Variants in ECT2L observed in about 807,000 individuals in gnomAD.
ECT2L encodes epithelial cell-transforming sequence 2 oncogene-like.
ECT2L carries 126 observed loss-of-function variants against 122.8 expected under a neutral mutation model. That is an observed-to-expected ratio of 1.03 (90% CI 0.89 to 1.19). ECT2L has a LOEUF of 1.19. Among genes scored for constraint, ECT2L ranks in the 50% most tolerant of loss-of-function variants. The pLI is 0.00. For synonymous variants in ECT2L, 385 were observed against 381.8 expected (o/e 1.01, Z -0.10); for missense variants, 1,012 against 1,064.1 (o/e 0.95, Z 0.68).
At chr6:138,897,534 G>A (rs1323174572) in intron 20 of ECT2L, among the ~76,000 whole-genome samples, 2 of 152,066 alleles carry the variant, frequency 1.3e-5, no homozygotes, top group Non-Finnish European at 2.9e-5. Context: ...CTGCTTTTGC[G>A]TATTTAGTTT....
Position 138,887,393 on chromosome 6 carries a change from A to T in ECT2L, c.2325+471A>T, listed in dbSNP as rs189143555. Among the ~76,000 whole-genome samples, 576 of 151,238 alleles carry T rather than the reference A, an allele frequency of 3.8e-3. 4 individuals are homozygous for T. The highest frequency in any genetic ancestry group is 0.014 in the African/African-American group (559 of 41,174). On this transcript the variant is annotated intron_variant, in intron 19 of 21. Coordinates refer to ENST00000541398, the MANE Select transcript of ECT2L (RefSeq NM_001077706.3). ...AGGTGTCCACCACCACGCCCAGCTA[A>T]TTTTTTGTATTTTTAGTAGAGATGG...
chr6:138,851,122 A>C (rs1320597488), intron 9 of ECT2L, among the ~76,000 whole-genome samples: 1 of 151,728 alleles, frequency 6.6e-6, no homozygotes, highest in Non-Finnish European at 1.5e-5. Flanking sequence ...CGACATTTAC[A>C]ATCTCTACAC....
At chr6:138,867,073 CA>C (rs1350795526) in intron 12 of ECT2L, among the ~76,000 whole-genome samples, 1 of 146,074 alleles carries the variant, frequency 6.8e-6, no homozygotes, top group Non-Finnish European at 1.5e-5. Context: ...GACCCTGTCT[CA>C]AAAAAAACAA....
chr6:138,878,306 T>TACACACACAC (rs34393243), intron 14 of ECT2L, among the ~76,000 whole-genome samples: 22 of 150,218 alleles, frequency 1.5e-4, no homozygotes, highest in African/African-American at 4.9e-4. Context: ...CATATATATA[T>TACACACACAC]ACACACACAC....
chr6:138,895,984 T>C (rs888265755), intron 20 of ECT2L, among the ~76,000 whole-genome samples: 2 of 152,226 alleles, frequency 1.3e-5, no homozygotes, highest in African/African-American at 4.8e-5. Context: ...TTTGTTCCTC[T>C]GAGGACATGG....
chr6:138,863,336 T>C (rs1777905824), intron 11 of ECT2L, among the ~76,000 whole-genome samples: 1 of 152,196 alleles, frequency 6.6e-6, no homozygotes, highest in Non-Finnish European at 1.5e-5. Context: ...GCAGAAACTA[T>C]ATAAATCATT....
At chr6:138,872,752 C>T (rs1261215220) in intron 13 of ECT2L, among the ~76,000 whole-genome samples, 1 of 152,214 alleles carries the variant, frequency 6.6e-6, no homozygotes, top group African/African-American at 2.4e-5. Context: ...TCAACATCTG[C>T]TGATTCCTGA....
chr6:138,839,670 G>A lies in ECT2L; in HGVS notation c.342+1156G>A, dbSNP rs184410444. On this transcript the variant is annotated intron_variant, in intron 5 of 21. Transcript: ENST00000541398. ...TGAGCCACTGTGCCTGGCCTAGTCTGTTTATATTTCTGTAAACACTGATAT... is the reference window on the plus strand; with the variant it reads ...TGAGCCACTGTGCCTGGCCTAGTCTATTTATATTTCTGTAAACACTGATAT... Among the ~76,000 whole-genome samples the A allele has an allele frequency of 5.0e-3, 764 of 152,170 alleles. 4 individuals are homozygous for A. The highest frequency in any genetic ancestry group is 8.3e-3 in the Non-Finnish European group (564 of 67,994).
intron 4 of ECT2L, among the ~76,000 whole-genome samples, chr6:138,836,373 C>A (rs1776840197): frequency 6.6e-6 from 1 of 150,930 alleles, no homozygotes; most frequent in Non-Finnish European, 1.5e-5. Flanking sequence ...ACTGCAACCT[C>A]CACCTCCCAT....
Position 138,885,534 on chromosome 6 carries a change from C to G in ECT2L, c.2057C>G (p.Thr686Ser). ...KCREMIPAFRTFLKRHDKTIV... is the reference protein window; with the variant it reads ...KCREMIPAFRSFLKRHDKTIV... ...AGAGAAATGATACCAGCATTCCGAA[C>G]TTTCCTGAAGAGGCATGATAAGACC... Residue 686 changes from threonine to serine, a missense_variant, in exon 17 of 22, where the codon ACT becomes AGT. Coordinates refer to ENST00000541398, the MANE Select transcript of ECT2L (RefSeq NM_001077706.3). 4 of 1,614,166 alleles carry G rather than the reference C, an allele frequency of 2.5e-6. No individual in the cohort carries two copies. The highest frequency in any genetic ancestry group is 3.4e-6 in the Non-Finnish European group (4 of 1,180,028).
At chr6:138,901,184 TAACAG>T (rs1335417138) in intron 21 of ECT2L, 64 bp downstream of exon 21, 20 of 1,492,998 alleles carry the variant, frequency 1.3e-5, no homozygotes, top group Non-Finnish European at 1.8e-5. Flanking sequence ...TAAAGCTCTT[TAACAG>T]AACAGTAGAA....
At chr6:138,876,106 G>T (rs1314717992) in intron 13 of ECT2L, among the ~76,000 whole-genome samples, 1 of 151,176 alleles carries the variant, frequency 6.6e-6, no homozygotes, top group East Asian at 1.9e-4. Context: ...GCGAGAGTGA[G>T]ACTCCATCTC....
intron 9 of ECT2L, among the ~76,000 whole-genome samples, chr6:138,850,916 G>A (rs975753761): frequency 7.4e-6 from 1 of 134,818 alleles, no homozygotes; most frequent in Non-Finnish European, 1.5e-5. Context: ...CAGGAGAATC[G>A]CTTGAACCTG....
intron 19 of ECT2L, among the ~76,000 whole-genome samples, chr6:138,888,312 C>CTT (rs1158882314): frequency 8.3e-6 from 1 of 120,728 alleles, no homozygotes; most frequent in Non-Finnish European, 1.7e-5. Flanking sequence ...ACTTCTTTTT[C>CTT]TTTTCTTTTT....
At chr6:138,817,317 A>G (rs1776102751) in intron 4 of ECT2L, among the ~76,000 whole-genome samples, 1 of 152,188 alleles carries the variant, frequency 6.6e-6, no homozygotes, top group Admixed American at 6.5e-5. Context: ...GCTGGGTCCA[A>G]TGGTAGTGCA....
chr6:138,820,156 C>T (rs1338601529), intron 4 of ECT2L, among the ~76,000 whole-genome samples: 1 of 152,148 alleles, frequency 6.6e-6, no homozygotes, highest in Non-Finnish European at 1.5e-5. Context: ...TAAGTAACCC[C>T]CACCCTACCA....
Position 138,838,375 on chromosome 6 carries a change from A to C in ECT2L, c.203A>C (p.Glu68Ala). The stretch of plus-strand genomic sequence containing the variant: ...AGGTTTGTCCAAGACTGGTTTTCAG[A>C]AAGGATGCAAGTGGCCAAAGTGGAC... Reference protein sequence around the residue: ...QLRFVQDWFSERMQVAKVDFS... With the variant: ...QLRFVQDWFSARMQVAKVDFS... The change falls in exon 5 of 22, where the codon GAA (glutamate) becomes GCA (alanine). Residue 68 changes from glutamate to alanine, a missense_variant. Transcript: ENST00000541398. 6.2e-7 allele frequency: 1 copy of C among 1,606,172 alleles called. No homozygotes were observed.
chr6:138,822,774 G>A, intron 4 of ECT2L: 1 of 1,602,554 alleles, frequency 6.2e-7, no homozygotes, highest in Non-Finnish European at 8.5e-7. Flanking sequence ...CCAGTCAACA[G>A]ATTATTATTA....
chr6:138,864,053 G>C (rs1490882470), intron 11 of ECT2L, among the ~76,000 whole-genome samples: 1 of 145,962 alleles, frequency 6.9e-6, no homozygotes, highest in Non-Finnish European at 1.5e-5. Flanking sequence ...GGGCGCAGTG[G>C]CTCACACCTG....
Sources: gnomAD v4.1 joint callset for allele counts (sites outside exome capture counted in the v4.1 genomes callset) on GRCh38, gnomAD v4.1.1 for gene constraint, MANE v1.5 for transcripts, NCBI Gene and HGNC (gene_info 2026-07-23, HGNC 2026-07-21) for gene names.